The following ADORA1 variants were observed in gnomAD, a reference collection of about 807,000 sequenced individuals.
ADORA1 encodes adenosine A1 receptor.
ADORA1 carries 6 observed loss-of-function variants against 19.9 expected under a neutral mutation model. That is an observed-to-expected ratio of 0.30 (90% CI 0.17 to 0.59). ADORA1 has a LOEUF of 0.59. ADORA1 is among the 20% of genes least tolerant of loss of function. The pLI, the probability that ADORA1 is intolerant of heterozygous loss-of-function variation, is 0.87. For missense variants in ADORA1, 302 were observed against 439.2 expected (o/e 0.69, Z 2.79); for synonymous variants, 194 against 188.4 (o/e 1.03, Z -0.24).
chr1:203,137,724 T>C (rs1332496119), intron 3 of ADORA1, among the ~76,000 whole-genome samples: 1 of 152,218 alleles, frequency 6.6e-6, no homozygotes, highest in Non-Finnish European at 1.5e-5. Context: ...CTCAGCTCTA[T>C]AAAATTTTGC....
In ADORA1 at chr1:203,129,552, GGGAAGA is replaced by G. The variant is rs563895851; in HGVS notation, c.341+385_341+390del. On this transcript the variant is annotated intron_variant, in intron 3 of 3. Coordinates refer to ENST00000337894, the MANE Select transcript of ADORA1 (RefSeq NM_000674.3). ...AATGAGCTGAGCTCTGCCAGTCCCA[GGGAAGA>G]GGAAGAGGAAGAGGCAGAGAAGAGA... is the stretch of plus-strand genomic sequence containing the variant. 1.1e-4 allele frequency: 24 copies of G among 215,574 alleles called. No individual in the cohort carries two copies. In the East Asian group the frequency reaches 1.5e-3, roughly 13 times the overall value. The allele number at this position is 215,574 out of a possible 1,614,324, so 13.4% of individuals were successfully genotyped here.
At chr1:203,158,602 C>T (rs1278833763) in intron 3 of ADORA1, among the ~76,000 whole-genome samples, 1 of 152,226 alleles carries the variant, frequency 6.6e-6, no homozygotes, top group Non-Finnish European at 1.5e-5. Flanking sequence ...TTACCCAGTT[C>T]TAAAGCTGCT....
At position 203,129,137 on chromosome 1, in the gene ADORA1, T is replaced by G; in HGVS notation, c.296T>G (p.Leu99Arg). The change falls in exon 3 of 4, where the codon CTG becomes CGG. Residue 99 changes from leucine to arginine, a missense_variant. Transcript: ENST00000337894. ...ILTQSSILAL[L>R]AIAVDRYLRV... ...ACCCAGAGCTCCATCCTGGCCCTGC[T>G]GGCAATTGCTGTGGACCGCTACCTC... is the stretch of plus-strand genomic sequence containing the variant. The G allele has an allele frequency of 6.2e-7, 1 of 1,614,078 alleles. No individual in the cohort carries two copies. Among genetic ancestry groups the G allele is most frequent in the East Asian group, 2.2e-5 (1 of 44,890 alleles).
chr1:203,130,635 C>T (rs939714402), intron 3 of ADORA1, among the ~76,000 whole-genome samples: 4 of 152,204 alleles, frequency 2.6e-5, no homozygotes, highest in Admixed American at 6.5e-5. Context: ...ATTAGAAGAG[C>T]GGGGCCTCTG....
chr1:203,130,088 C>T (rs1654284556), intron 3 of ADORA1, among the ~76,000 whole-genome samples: 2 of 152,212 alleles, frequency 1.3e-5, no homozygotes, highest in African/African-American at 4.8e-5. Flanking sequence ...ATGCTTGCCC[C>T]CTCTTTGAAT....
At chr1:203,144,322 A>G (rs1654795325) in intron 3 of ADORA1, among the ~76,000 whole-genome samples, 1 of 152,086 alleles carries the variant, frequency 6.6e-6, no homozygotes, top group Non-Finnish European at 1.5e-5. Flanking sequence ...CTATATCCAC[A>G]GTGGTGGATA....
Position 203,150,826 on chromosome 1 carries a change from G to A in ADORA1, c.342-14435G>A, listed in dbSNP as rs540838293. 3 of 1,285,554 alleles carry A rather than the reference G, an allele frequency of 2.3e-6. No homozygotes were observed. In the South Asian group the frequency reaches 3.7e-5, roughly 16 times the overall value. The allele number at this position is 1,285,554 out of a possible 1,614,324, so 79.6% of individuals were successfully genotyped here. A position where few individuals can be genotyped will look rare whatever the true frequency, so the allele number is the denominator to read the frequency against. On this transcript the variant is annotated intron_variant, in intron 3 of 3. Coordinates refer to ENST00000337894, the MANE Select transcript of ADORA1 (RefSeq NM_000674.3). ...TCTGTCCTCCCCCTATCTGCTGTCT[G>A]TTGAATCTTTTCCAGGGCAGGGGGC... is the stretch of plus-strand genomic sequence containing the variant.
chr1:203,133,327 C>T (rs1424305932), intron 3 of ADORA1, among the ~76,000 whole-genome samples: 1 of 152,142 alleles, frequency 6.6e-6, no homozygotes, highest in Non-Finnish European at 1.5e-5. Context: ...GTTGGCCAGG[C>T]TGGTCTCGAA....
At chr1:203,157,524 A>G (rs922206825) in intron 3 of ADORA1, among the ~76,000 whole-genome samples, 1 of 152,156 alleles carries the variant, frequency 6.6e-6, no homozygotes, top group African/African-American at 2.4e-5. Flanking sequence ...TGGTGGTCCT[A>G]CAGTGCTGGT....
chr1:203,165,783 T>C lies in ADORA1; in HGVS notation c.864T>C (p.Tyr288=), dbSNP rs1453660558. ...ACTCGGCCATGAACCCCATTGTCTA[T>C]GCCTTCCGCATCCAGAAGTTCCGCG... The part of the protein sequence containing the change: ...HGNSAMNPIV[Y]AFRIQKFRVT... Residue 288 remains tyrosine (Y), a synonymous_variant, in exon 4 of 4, where the codon TAT becomes TAC. Coordinates refer to ENST00000337894, the MANE Select transcript of ADORA1 (RefSeq NM_000674.3). The surrounding 1 kb of genome is among the most constrained non-coding windows in gnomAD (Gnocchi z 5.9). 3 of 1,613,804 alleles carry C rather than the reference T, an allele frequency of 1.9e-6. No homozygotes were observed. Among genetic ancestry groups the C allele is most frequent in the South Asian group, 1.1e-5 (1 of 91,044 alleles).
chr1:203,144,081 TACACACACACACAC>T (rs10525873), intron 3 of ADORA1, among the ~76,000 whole-genome samples: 7 of 139,770 alleles, frequency 5.0e-5, no homozygotes, highest in Admixed American at 7.2e-5. Context: ...GACTACCTCT[TACACACACACACAC>T]ACACACACAC....
intron 3 of ADORA1, among the ~76,000 whole-genome samples, chr1:203,147,705 A>G (rs898952948): frequency 2.0e-5 from 3 of 152,220 alleles, no homozygotes; most frequent in African/African-American, 7.2e-5. Context: ...AATGAAGGAT[A>G]CTGGGGAATA....
In ADORA1 at chr1:203,129,007, G is replaced by A. The variant is rs1286662663; in HGVS notation, c.166G>A (p.Val56Met). The A allele has an allele frequency of 6.2e-7, 1 of 1,614,162 alleles. No homozygotes were observed. The highest frequency in any genetic ancestry group is 1.7e-5 in the Admixed American group (1 of 60,026). Residue 56 changes from valine to methionine, a missense_variant, in exon 3 of 4, where the codon GTG becomes ATG. Physicochemically the swap from Val to Met is conservative, Grantham distance 21 (BLOSUM62 1). Transcript: ENST00000337894. ...CATCGTGTCGCTGGCGGTGGCTGAT[G>A]TGGCCGTGGGTGCCCTGGTCATCCC... is the stretch of plus-strand genomic sequence containing the variant. ...CFIVSLAVAD[V>M]AVGALVIPLA...
At position 203,165,069 on chromosome 1, in the gene ADORA1, T is replaced by C; in HGVS notation, c.342-192T>C. The stretch of plus-strand genomic sequence containing the variant: ...CTCTCTCTGTAGGAGAATAAGCCAA[T>C]GCATGGCAAGCACTAAATCTTAGAT... On this transcript the variant is annotated intron_variant, in intron 3 of 3. Transcript: ENST00000337894. The surrounding 1 kb of genome is among the most constrained non-coding windows in gnomAD (Gnocchi z 5.9). 6.4e-7 allele frequency: 1 copy of C among 1,550,640 alleles called. No individual in the cohort carries two copies. The highest frequency in any genetic ancestry group is 8.7e-7 in the Non-Finnish European group (1 of 1,146,988).
chr1:203,141,717 A>G (rs1479920647), intron 3 of ADORA1, among the ~76,000 whole-genome samples: 3 of 151,652 alleles, frequency 2.0e-5, no homozygotes, highest in Admixed American at 6.6e-5. Flanking sequence ...AGTAGCTGGA[A>G]CTATAGGCTC....
intron 3 of ADORA1, among the ~76,000 whole-genome samples, chr1:203,137,612 G>A (rs1477943470): frequency 6.6e-6 from 1 of 152,178 alleles, no homozygotes; most frequent in Non-Finnish European, 1.5e-5. Flanking sequence ...AGGAGGTGGT[G>A]AGAAGTGGTT....
intron 3 of ADORA1, among the ~76,000 whole-genome samples, chr1:203,163,713 T>A (rs1010163406): frequency 1.3e-5 from 2 of 152,138 alleles, no homozygotes; most frequent in African/African-American, 4.8e-5. Context: ...ACTGGGCAAA[T>A]TGTCTCCCTT....
intron 3 of ADORA1, among the ~76,000 whole-genome samples, chr1:203,161,248 C>T (rs946431183): frequency 6.6e-6 from 1 of 152,176 alleles, no homozygotes; most frequent in Non-Finnish European, 1.5e-5. Flanking sequence ...TTATCATCAT[C>T]AATGAGAAGT....
At chr1:203,137,155 A>G (rs1654537311) in intron 3 of ADORA1, among the ~76,000 whole-genome samples, 1 of 152,204 alleles carries the variant, frequency 6.6e-6, no homozygotes, top group Admixed American at 6.5e-5. Context: ...GTGAGGCTTT[A>G]CTGAGAAGGT....
Sources: gnomAD v4.1 joint callset for allele counts (sites outside exome capture counted in the v4.1 genomes callset) on GRCh38, gnomAD v4.1.1 for gene constraint, Gnocchi (gnomAD v3.1) non-coding constraint, MANE v1.5 for transcripts, NCBI Gene and HGNC (gene_info 2026-07-23, HGNC 2026-07-21) for gene names.